The following CHD4 variants were observed in gnomAD, a reference collection of about 807,000 sequenced individuals.
CHD4 encodes the protein chromodomain helicase DNA binding protein 4.
Under a neutral mutation model 235.5 loss-of-function variants are expected in CHD4, and 35 were observed. The ratio of observed to expected loss-of-function variants is 0.15; its 90% CI spans 0.11 to 0.20. The LOEUF is 0.20. Among genes scored for constraint, CHD4 ranks in the 10% least tolerant of loss-of-function variants. The probability of loss-of-function intolerance (pLI) is 1.00; values close to 1 mark genes in which losing one functional copy is unlikely to be tolerated. For missense variants in CHD4, 1,329 were observed against 2,432.3 expected (o/e 0.55, Z 9.54); for synonymous variants, 900 against 850.2 (o/e 1.06, Z -1.02).
chr12:6,582,051 C>T (rs964751054), intron 30 of CHD4, 86 bp downstream of exon 30: 18 of 1,399,106 alleles, frequency 1.3e-5, no homozygotes, highest in Non-Finnish European at 1.5e-5. Flanking sequence ...GATCCACCCG[C>T]CTCAGCCTCC....
chr12:6,596,074 A>T lies in CHD4; in HGVS notation c.1956T>A (p.Ala652=). 6.2e-7 allele frequency: 1 copy of T among 1,614,128 alleles called. No homozygotes were observed. The highest frequency in any genetic ancestry group is 8.5e-7 in the Non-Finnish European group (1 of 1,180,012). ...TCTCCACATCCTCACTCTCCCAAGA[A>T]GCCTGATCGTAAGGTAAGTCCCGCC... ...IKWRDLPYDQ[A]SWESEDVEIQ... is the part of the protein sequence containing the mutation. The change falls in exon 13 of 40, where the codon GCT becomes GCA. Residue 652 remains alanine, a synonymous_variant. Transcript: ENST00000544040.
chr12:6,600,045 C>T (rs749935735), intron 9 of CHD4, 33 bp from the exon 10 acceptor site: 46 of 1,606,070 alleles, frequency 2.9e-5, no homozygotes, highest in Non-Finnish European at 3.2e-5. Flanking sequence ...CAGATTATTA[C>T]CCCCACCCGC....
intron 37 of CHD4, among the ~76,000 whole-genome samples, chr12:6,574,217 A>T (rs1948029185): frequency 6.6e-6 from 1 of 152,056 alleles, no homozygotes; most frequent in Non-Finnish European, 1.5e-5. Context: ...TGTATCTATA[A>T]AATGCTTTTT....
intron 22 of CHD4, among the ~76,000 whole-genome samples, chr12:6,589,525 T>C (rs1302535468): frequency 6.6e-6 from 1 of 151,962 alleles, no homozygotes; most frequent in Admixed American, 6.6e-5. Context: ...TCCCAGCACT[T>C]TGGGAAGCTG....
At chr12:6,600,886 G>T in intron 7 of CHD4, 40 bp downstream of exon 7, 2 of 1,537,872 alleles carry the variant, frequency 1.3e-6, no homozygotes, top group South Asian at 2.6e-5. Flanking sequence ...CTTTCTATTA[G>T]ACATGGCACC....
rs759816295 is a variant in CHD4 at position 6,602,395 on chromosome 12, C to T, written c.203G>A (p.Ser68Asn). 1 of 1,613,954 alleles carries T rather than the reference C, an allele frequency of 6.2e-7. No individual in the cohort carries two copies. Among genetic ancestry groups the T allele is most frequent in the East Asian group, 2.2e-5 (1 of 44,868 alleles). ...ACTCACCTCCTTTTTTTGGCGCTTG[C>T]TCTTAGGGATTTTAGGGTCCCGAGG... ...KKPRDPKIPKSKRQKKERMLL... is the reference protein window; with the variant it reads ...KKPRDPKIPKNKRQKKERMLL... The change falls in exon 3 of 40, where the codon AGC becomes AAC. Residue 68 changes from serine to asparagine, a missense_variant. Physicochemically the swap from Ser to Asn is conservative, Grantham distance 46. Transcript: ENST00000544040.
At chr12:6,585,645 T>C (rs1948274921) in intron 25 of CHD4, among the ~76,000 whole-genome samples, 2 of 150,062 alleles carry the variant, frequency 1.3e-5, no homozygotes, top group East Asian at 2.1e-4. Flanking sequence ...AAAAATTAGC[T>C]GGGTGTGGTG....
In CHD4 at chr12:6,578,512, C is replaced by A. The variant is rs1948111773; in HGVS notation, c.5016G>T (p.Val1672=). The A allele has an allele frequency of 6.2e-7, 1 of 1,612,334 alleles. No homozygotes were observed. Among genetic ancestry groups the A allele is most frequent in the Admixed American group, 1.7e-5 (1 of 59,640 alleles). ...TGGGGGTCTCTCCATTCTGAAGCAT[C>A]ACCTCTTTTTTCTCTTCTTCTTCTT... ...EKKEEEEKKE[V]MLQNGETPKD... is the part of the protein sequence containing the mutation. The change falls in exon 35 of 40, where the codon GTG becomes GTT. Residue 1672 remains valine, a synonymous_variant. Transcript: ENST00000544040.
intron 25 of CHD4, 111 bp downstream of exon 25, chr12:6,587,273 C>A: frequency 9.7e-7 from 1 of 1,033,868 alleles, no homozygotes. Context: ...AATTCATCAA[C>A]ATAAGAATTT....
At chr12:6,586,541 A>G (rs1159026486) in intron 25 of CHD4, among the ~76,000 whole-genome samples, 1 of 152,236 alleles carries the variant, frequency 6.6e-6, no homozygotes, top group African/African-American at 2.4e-5. Flanking sequence ...CCTGGGCAAC[A>G]TAGCAAGACA....
rs1456785481 is a variant in CHD4, at chr12:6,592,378, T to C, written c.2948+15A>G. ...GATGTCTAAATGGAGTCTGCTTCTGTCCCTCCCAACTCACTTCTGCATAGG... is the reference window on the plus strand; with the variant it reads ...GATGTCTAAATGGAGTCTGCTTCTGCCCCTCCCAACTCACTTCTGCATAGG... On this transcript the variant is annotated intron_variant, in intron 19 of 39. Coordinates refer to ENST00000544040, the MANE Select transcript of CHD4 (RefSeq NM_001273.5). 2 of 1,567,080 alleles carry C rather than the reference T, an allele frequency of 1.3e-6. No individual in the cohort carries two copies. The highest frequency in any genetic ancestry group is 1.4e-5 in the African/African-American group (1 of 72,936).
chr12:6,573,744 C>A (rs914750327), intron 37 of CHD4, among the ~76,000 whole-genome samples: 13 of 152,210 alleles, frequency 8.5e-5, no homozygotes, highest in African/African-American at 2.9e-4. Flanking sequence ...CATGTTTTGG[C>A]TGGGCACGGT....
chr12:6,584,537 A>T (rs957067558), intron 25 of CHD4: 2 of 152,118 alleles, frequency 1.3e-5, no homozygotes, highest in African/African-American at 4.8e-5. Flanking sequence ...AAGCGTGAGC[A>T]ACCACACTCG....
chr12:6,588,794 A>G (rs1283590827), intron 22 of CHD4, among the ~76,000 whole-genome samples: 4 of 151,928 alleles, frequency 2.6e-5, no homozygotes, highest in Non-Finnish European at 4.4e-5. Flanking sequence ...AAAAAAAAAA[A>G]TTTAGCTGGG....
chr12:6,591,055 G>A (rs1174664330), intron 22 of CHD4, among the ~76,000 whole-genome samples: 2 of 150,202 alleles, frequency 1.3e-5, no homozygotes, highest in East Asian at 2.0e-4. Context: ...CCCGGGAGGC[G>A]GAGGTTGCAG....
chr12:6,597,810 G>T (rs1182045881), intron 12 of CHD4, 84 bp downstream of exon 12: 2 of 1,220,394 alleles, frequency 1.6e-6, no homozygotes, highest in Non-Finnish European at 2.4e-6. Flanking sequence ...CCAAGTCTAA[G>T]TTACTGGTGA....
In CHD4 at chr12:6,583,021, C is replaced by T. The variant is rs1187771856; in HGVS notation, c.4147+6G>A. 1.8e-5 allele frequency: 28 copies of T among 1,582,780 alleles called. No individual in the cohort carries two copies. Among genetic ancestry groups the T allele is most frequent in the Non-Finnish European group, 2.2e-5 (26 of 1,165,726 alleles). On this transcript the variant is annotated splice_donor_region_variant and intron_variant, in intron 27 of 39. Transcript: ENST00000544040. ...AGAAAAGCAACAAAAAAAGCACAGC[C>T]CTCACCTTCTGAACGTTCATCAAAG...
Position 6,594,615 on chromosome 12 carries a change from C to T in CHD4, c.2157G>A (p.Leu719=). The part of the protein sequence containing the change: ...TVKYERQPEY[L]DATGGTLHPY... ...GGTGCAGGGTTCCACCTGTAGCATC[C>T]AGGTACTCTGGCTGTCGCTCATACT... Residue 719 remains leucine, a synonymous_variant, in exon 15 of 40, where the codon CTG becomes CTA. Coordinates refer to ENST00000544040, the MANE Select transcript of CHD4 (RefSeq NM_001273.5). The T allele has an allele frequency of 6.2e-7, 1 of 1,613,910 alleles. No homozygotes were observed. The highest frequency in any genetic ancestry group is 8.5e-7 in the Non-Finnish European group (1 of 1,179,922).
chr12:6,598,344 G>A lies in CHD4; in HGVS notation c.1564C>T (p.Pro522Ser). Residue 522 changes from proline (P) to serine (S), a missense_variant, in exon 11 of 40, where the codon CCT becomes TCT. Transcript: ENST00000544040. ...GGCGTGTTGGGATCAGCATCTGGAGGCCGAGGCACTGGTGTGGGAGATGGT... is the reference window on the plus strand; with the variant it reads ...GGCGTGTTGGGATCAGCATCTGGAGACCGAGGCACTGGTGTGGGAGATGGT... ...QPPSPTPVPR[P>S]PDADPNTPSP... The A allele has an allele frequency of 6.2e-7, 1 of 1,614,150 alleles. No homozygotes were observed. Among genetic ancestry groups the A allele is most frequent in the Non-Finnish European group, 8.5e-7 (1 of 1,180,004 alleles).
Sources: allele counts gnomAD v4.1 joint callset (sites outside exome capture counted in the v4.1 genomes callset), GRCh38; gene constraint gnomAD v4.1.1; transcripts MANE v1.5; gene names NCBI Gene and HGNC (gene_info 2026-07-23, HGNC 2026-07-21).